The following MIB1 variants were observed in gnomAD, a reference collection of about 807,000 sequenced individuals.
MIB1 encodes the protein MIB E3 ubiquitin protein ligase 1.
A neutral mutation model predicts 124.5 loss-of-function variants in MIB1; 278 were observed. The observed-to-expected ratio is 2.23, with a 90% CI of 2.02 to 2.47. The LOEUF (loss-of-function observed/expected upper bound fraction) is 2.47, where lower values mean the gene tolerates loss of function less well. Ranked by LOEUF, MIB1 falls within the 30% of genes most tolerant of loss-of-function variation. The pLI, the probability that MIB1 is intolerant of heterozygous loss-of-function variation, is 0.00. For missense variants in MIB1, 957 were observed against 1,254.4 expected, an observed-to-expected ratio of 0.76 and a Z score of 3.58; for synonymous variants, 446 against 429.4, an observed-to-expected ratio of 1.04 and a Z score of -0.48.
At chr18:21,764,329 A>G (rs1329573495) in intron 1 of MIB1, among the ~76,000 whole-genome samples, 1 of 150,664 alleles carries the variant, frequency 6.6e-6, no homozygotes, top group Non-Finnish European at 1.5e-5. Flanking sequence ...CAGGCATACC[A>G]CTCAGGTTTG....
Position 21,798,066 on chromosome 18 carries a change from T to C in MIB1, c.1093-18T>C. On this transcript the variant is annotated intron_variant, in intron 7 of 20. Transcript: ENST00000261537. ...TATACTTTAGACTTGGAAACATGAATCTATTTTTTTCCCCAAGACTTTAGG... is the reference window on the plus strand; with the variant it reads ...TATACTTTAGACTTGGAAACATGAACCTATTTTTTTCCCCAAGACTTTAGG... 1.2e-6 allele frequency: 2 copies of C among 1,611,568 alleles called. No homozygotes were observed. The highest frequency in any genetic ancestry group is 1.7e-6 in the Non-Finnish European group (2 of 1,178,272).
At chr18:21,765,553 A>G (rs560044755) in intron 1 of MIB1, among the ~76,000 whole-genome samples, 16 of 152,184 alleles carry the variant, frequency 1.1e-4, no homozygotes, top group Non-Finnish European at 2.1e-4. Flanking sequence ...TGTTCTTACT[A>G]ATGAAAAAGG....
intron 12 of MIB1, among the ~76,000 whole-genome samples, chr18:21,822,146 T>C (rs987919936): frequency 6.6e-6 from 1 of 152,212 alleles, no homozygotes; most frequent in Non-Finnish European, 1.5e-5. Flanking sequence ...GTGTTAGGAA[T>C]TCAAACAGCA....
intron 18 of MIB1, among the ~76,000 whole-genome samples, chr18:21,855,740 C>G (rs1466344026): frequency 1.3e-5 from 2 of 152,138 alleles, no homozygotes; most frequent in Admixed American, 1.3e-4. Context: ...TTGTTCAAAT[C>G]TAGTGGTTTG....
intron 7 of MIB1, among the ~76,000 whole-genome samples, chr18:21,794,915 T>C (rs2041555917): frequency 6.6e-6 from 1 of 152,088 alleles, no homozygotes; most frequent in African/African-American, 2.4e-5. Context: ...ATGAGTCCTT[T>C]CTAAGTAATT....
intron 1 of MIB1, among the ~76,000 whole-genome samples, chr18:21,707,181 G>T (rs186856120): frequency 2.2e-4 from 33 of 152,318 alleles, no homozygotes; most frequent in Admixed American, 1.3e-4. Flanking sequence ...CTAGCTCAAG[G>T]TTTGTAAACA....
chr18:21,754,775 G>A (rs2041012469), intron 1 of MIB1, among the ~76,000 whole-genome samples: 1 of 152,158 alleles, frequency 6.6e-6, no homozygotes, highest in African/African-American at 2.4e-5. Context: ...CAAAAGTTAG[G>A]GCCACAGTGC....
At chr18:21,761,287 C>T (rs992345767) in intron 1 of MIB1, among the ~76,000 whole-genome samples, 1 of 150,104 alleles carries the variant, frequency 6.7e-6, no homozygotes. Flanking sequence ...GAAGAACTGT[C>T]ATAATTGTCT....
At chr18:21,784,914 A>G (rs1223771918) in intron 6 of MIB1, among the ~76,000 whole-genome samples, 1 of 152,198 alleles carries the variant, frequency 6.6e-6, no homozygotes, top group African/African-American at 2.4e-5. Flanking sequence ...CCGGAGGCCT[A>G]AACCTCTCCC....
intron 1 of MIB1, chr18:21,712,001 A>G (rs2040667882): frequency 6.4e-6 from 1 of 155,718 alleles, no homozygotes; most frequent in Admixed American, 6.4e-5. Flanking sequence ...GCCTCACCCT[A>G]GTCTTTATAA....
rs753974683 is a variant in MIB1, at chr18:21,741,594, C to G, written c.11C>G (p.Ser4Cys). 6.4e-7 allele frequency: 1 copy of G among 1,558,162 alleles called. No individual in the cohort carries two copies. The highest frequency in any genetic ancestry group is 8.6e-7 in the Non-Finnish European group (1 of 1,156,662). ...ACCGCCCGGGCCCCGATGAGTAACT[C>G]CCGGAATAACCGGGTGATGGTGGAA... MSN[S>C]RNNRVMVEGV... The change falls in exon 1 of 21, where the codon TCC (serine) becomes TGC (cysteine). Residue 4 changes from serine (S) to cysteine (C), a missense_variant. By Grantham distance (112) the Ser-to-Cys change is moderately radical. Coordinates refer to ENST00000261537, the MANE Select transcript of MIB1 (RefSeq NM_020774.4). This position sits in a 1 kb window ranked among gnomAD's most constrained non-coding sequence, Gnocchi z 5.4.
intron 11 of MIB1, among the ~76,000 whole-genome samples, chr18:21,816,047 T>C (rs1299906804): frequency 6.6e-6 from 1 of 152,184 alleles, no homozygotes; most frequent in African/African-American, 2.4e-5. Context: ...TGAGGACTTC[T>C]TTGTAAAAAT....
upstream of MIB1, among the ~76,000 whole-genome samples, chr18:21,736,161 T>G (rs1401785178): frequency 6.6e-6 from 1 of 152,186 alleles, no homozygotes; most frequent in East Asian, 1.9e-4. Context: ...CCCTCTGGGA[T>G]GGAGCTTCCA....
In MIB1 at chr18:21,825,678, C is replaced by T. The variant is rs759405022; in HGVS notation, c.1829+6032C>T. ...AGTAATTGATATTCACAAATGAAAACGTTGGTTGTCCCGTAGTAATCAATG... is the reference window on the plus strand; with the variant it reads ...AGTAATTGATATTCACAAATGAAAATGTTGGTTGTCCCGTAGTAATCAATG... On this transcript the variant is annotated intron_variant, in intron 12 of 20. Coordinates refer to ENST00000261537, the MANE Select transcript of MIB1 (RefSeq NM_020774.4). 9 of 528,552 alleles carry T rather than the reference C, an allele frequency of 1.7e-5. 1 individual carries two copies. The highest frequency in any genetic ancestry group is 3.3e-4 in the Middle Eastern group (1 of 3,076). The allele number at this position is 528,552 out of a possible 1,614,324, so 32.7% of individuals were successfully genotyped here. A position where few individuals can be genotyped will look rare whatever the true frequency, so the allele number is the denominator to read the frequency against.
intron 1 of MIB1, among the ~76,000 whole-genome samples, chr18:21,752,754 A>G (rs1215330894): frequency 6.6e-6 from 1 of 152,172 alleles, no homozygotes; most frequent in African/African-American, 2.4e-5. Flanking sequence ...ACAACAAAAA[A>G]CACATGTTCT....
chr18:21,823,487 C>T (rs955844372), intron 12 of MIB1, among the ~76,000 whole-genome samples: 3 of 152,060 alleles, frequency 2.0e-5, no homozygotes, highest in African/African-American at 7.2e-5. Flanking sequence ...TCTAGATGTC[C>T]TATATTTTTG....
chr18:21,755,914 A>G (rs2041026541), intron 1 of MIB1, among the ~76,000 whole-genome samples: 1 of 152,218 alleles, frequency 6.6e-6, no homozygotes, highest in Non-Finnish European at 1.5e-5. Context: ...TCCTAAACCA[A>G]CAAGAAATGG....
chr18:21,819,254 G>T (rs2041858172), intron 11 of MIB1, among the ~76,000 whole-genome samples: 1 of 152,164 alleles, frequency 6.6e-6, no homozygotes, highest in African/African-American at 2.4e-5. Context: ...GCCCAGGTTG[G>T]TGTTGAACTC....
chr18:21,719,680 A>G (rs2040705767), intron 1 of MIB1, among the ~76,000 whole-genome samples: 1 of 146,752 alleles, frequency 6.8e-6, no homozygotes, highest in Non-Finnish European at 1.5e-5. Flanking sequence ...GCTGGTCTGG[A>G]ACTCCTGACC....
Sources: allele counts gnomAD v4.1 joint callset (sites outside exome capture counted in the v4.1 genomes callset), GRCh38; gene constraint gnomAD v4.1.1; non-coding constraint Gnocchi (gnomAD v3.1); transcripts MANE v1.5; gene names NCBI Gene and HGNC (gene_info 2026-07-23, HGNC 2026-07-21).